The following PDE1C variants were observed in gnomAD, a reference collection of about 807,000 sequenced individuals.
The protein encoded by PDE1C is phosphodiesterase 1C.
A neutral mutation model predicts 93.1 loss-of-function variants in PDE1C; 62 were observed. That is an observed-to-expected ratio of 0.67 (90% CI 0.54 to 0.82). The LOEUF (loss-of-function observed/expected upper bound fraction) is 0.82, where lower values mean the gene tolerates loss of function less well. Among genes scored for constraint, PDE1C ranks in the 40% least tolerant of loss-of-function variants. PDE1C has a pLI of 0.00. For missense variants in PDE1C, 742 were observed against 884.6 expected (o/e 0.84, Z 2.04); for synonymous variants, 325 against 310.1 (o/e 1.05, Z -0.50).
intron 1 of PDE1C, among the ~76,000 whole-genome samples, chr7:32,294,117 C>T (rs1282407595): frequency 2.0e-5 from 3 of 152,068 alleles, no homozygotes; most frequent in African/African-American, 7.2e-5. Context: ...CAGGAGCAAA[C>T]CTCCTCCCTT....
intron 1 of PDE1C, among the ~76,000 whole-genome samples, chr7:32,230,812 C>T (rs972100042): frequency 2.6e-5 from 4 of 152,230 alleles, no homozygotes; most frequent in African/African-American, 9.6e-5. Context: ...GCAATGACTA[C>T]TGAGCTCCCT....
chr7:31,969,322 A>C (rs1252621063), intron 2 of PDE1C, among the ~76,000 whole-genome samples: 1 of 152,122 alleles, frequency 6.6e-6, no homozygotes, highest in African/African-American at 2.4e-5. Flanking sequence ...CTATCAAAAA[A>C]TGGGTGAAGG....
At chr7:31,729,676 C>G in the PDE1C span, among the ~76,000 whole-genome samples, 3 of 152,096 alleles carry the variant, frequency 2.0e-5, no homozygotes, top group African/African-American at 7.2e-5. Flanking sequence ...GCACACCAGG[C>G]CCAAATTGTA....
chr7:31,967,932 T>C (rs1810285218), intron 2 of PDE1C, among the ~76,000 whole-genome samples: 1 of 152,166 alleles, frequency 6.6e-6, no homozygotes, highest in Admixed American at 6.5e-5. Flanking sequence ...AAACTCTCCA[T>C]AAATTAGGTA....
intron 1 of PDE1C, among the ~76,000 whole-genome samples, chr7:32,426,924 G>A (rs927224499): frequency 2.6e-5 from 4 of 152,162 alleles, no homozygotes; most frequent in Non-Finnish European, 5.9e-5. Context: ...TGCTTGGGGT[G>A]AAGTGAGGAT....
chr7:32,030,457 ATTGG>A (rs1417481958), intron 2 of PDE1C, among the ~76,000 whole-genome samples: 1 of 152,088 alleles, frequency 6.6e-6, no homozygotes, highest in Non-Finnish European at 1.5e-5. Flanking sequence ...GTTTTCTTGA[ATTGG>A]TTATTTTTTA....
At chr7:31,625,235 A>G in the PDE1C span, among the ~76,000 whole-genome samples, 3 of 151,488 alleles carry the variant, frequency 2.0e-5, no homozygotes, top group African/African-American at 7.3e-5. Flanking sequence ...GGGATCTAGA[A>G]TTACAAATAC....
At chr7:31,623,775 A>G in the PDE1C span, among the ~76,000 whole-genome samples, 1 of 151,580 alleles carries the variant, frequency 6.6e-6, no homozygotes, top group Admixed American at 6.6e-5. Flanking sequence ...GGCCAGGGCA[A>G]TTAGGCAGGA....
the PDE1C span, among the ~76,000 whole-genome samples, chr7:31,736,722 C>T: frequency 6.6e-6 from 1 of 152,186 alleles, no homozygotes; most frequent in African/African-American, 2.4e-5. Context: ...ATGTTTTTTT[C>T]TCACAGATAA....
chr7:31,712,409 G>A, the PDE1C span, among the ~76,000 whole-genome samples: 7 of 152,208 alleles, frequency 4.6e-5, no homozygotes, highest in African/African-American at 1.4e-4. Flanking sequence ...CTAGATAGTC[G>A]CTATGGAGCC....
At chr7:31,690,024 C>T in the PDE1C span, among the ~76,000 whole-genome samples, 1 of 152,216 alleles carries the variant, frequency 6.6e-6, no homozygotes, top group East Asian at 1.9e-4. Flanking sequence ...TGACGAATCA[C>T]TGCTTTCCCT....
At chr7:31,884,908 TC>T (rs1394675891) in intron 2 of PDE1C, among the ~76,000 whole-genome samples, 1 of 152,224 alleles carries the variant, frequency 6.6e-6, no homozygotes, top group East Asian at 1.9e-4. Context: ...TTAGCCAGGA[TC>T]TTTCATACCC....
chr7:32,330,799 TC>T (rs1483661159), intron 1 of PDE1C, among the ~76,000 whole-genome samples: 1 of 152,036 alleles, frequency 6.6e-6, no homozygotes, highest in Non-Finnish European at 1.5e-5. Flanking sequence ...AGAACAGAAG[TC>T]CCTAAAAACA....
chr7:32,409,694 A>C (rs180835224), intron 1 of PDE1C, among the ~76,000 whole-genome samples: 4 of 152,132 alleles, frequency 2.6e-5, no homozygotes, highest in Non-Finnish European at 5.9e-5. Flanking sequence ...CATTTGACAA[A>C]CCTCAACTCC....
the PDE1C span, among the ~76,000 whole-genome samples, chr7:31,736,370 C>G: frequency 3.3e-5 from 5 of 152,194 alleles, no homozygotes; most frequent in Non-Finnish European, 7.3e-5. Context: ...ACATTCTTCC[C>G]TAAGACTGTG....
intron 1 of PDE1C, among the ~76,000 whole-genome samples, chr7:32,334,435 T>A (rs920220137): frequency 5.3e-5 from 8 of 152,210 alleles, no homozygotes; most frequent in South Asian, 4.1e-4. Context: ...ATGGACTTTT[T>A]AAAAATTTTT....
At chr7:31,824,087 C>G (rs1176699188) in intron 13 of PDE1C, among the ~76,000 whole-genome samples, 1 of 152,090 alleles carries the variant, frequency 6.6e-6, no homozygotes, top group Non-Finnish European at 1.5e-5. Context: ...TTTCTTTACT[C>G]CTTTTCCTGC....
intron 1 of PDE1C, among the ~76,000 whole-genome samples, chr7:32,283,152 C>T (rs938229278): frequency 1.3e-5 from 2 of 152,154 alleles, no homozygotes; most frequent in East Asian, 1.9e-4. Flanking sequence ...GCAGAAAGAA[C>T]TTAAAGCACC....
chr7:32,311,098 A>T (rs954259897), intron 1 of PDE1C, among the ~76,000 whole-genome samples: 2 of 152,232 alleles, frequency 1.3e-5, no homozygotes, highest in Non-Finnish European at 2.9e-5. Flanking sequence ...AGAAATACAA[A>T]CTACCATCAG....
Sources: allele counts gnomAD v4.1 joint callset (sites outside exome capture counted in the v4.1 genomes callset), GRCh38; gene constraint gnomAD v4.1.1; transcripts MANE v1.5; gene names NCBI Gene and HGNC (gene_info 2026-07-23, HGNC 2026-07-21).